RGS6: variants seen among roughly 807,000 people sequenced by gnomAD.
The protein encoded by RGS6 is regulator of G-protein signaling 6.
In RGS6, 30 loss-of-function variants were observed where a neutral mutation model predicts 78.5. The ratio of observed to expected loss-of-function variants is 0.38; its 90% CI spans 0.29 to 0.52. The LOEUF (loss-of-function observed/expected upper bound fraction) is 0.52. Among genes scored for constraint, RGS6 ranks in the 20% least tolerant of loss-of-function variants. RGS6 has a pLI of 0.85. For synonymous variants in RGS6, 206 were observed against 206.0 expected, an observed-to-expected ratio of 1.00 and a Z score of 0.00; for missense variants, 495 against 609.7, an observed-to-expected ratio of 0.81 and a Z score of 1.98.
chr14:72,455,935 G>A (rs1250771239), intron 4 of RGS6, among the ~76,000 whole-genome samples: 12 of 152,046 alleles, frequency 7.9e-5, no homozygotes, highest in South Asian at 2.1e-4. Context: ...TAAAATAATC[G>A]TTGTATTTCT....
chr14:72,274,021 G>A (rs955309546), intron 2 of RGS6, among the ~76,000 whole-genome samples: 3 of 152,168 alleles, frequency 2.0e-5, no homozygotes, highest in Non-Finnish European at 4.4e-5. Flanking sequence ...TTCCTCACTA[G>A]GAAACAGTGC....
chr14:72,005,841 T>A (rs1332873887), intron 2 of RGS6, among the ~76,000 whole-genome samples: 1 of 152,154 alleles, frequency 6.6e-6, no homozygotes, highest in African/African-American at 2.4e-5. Flanking sequence ...GCATTTGTTA[T>A]CAAGATGTAC....
intron 2 of RGS6, among the ~76,000 whole-genome samples, chr14:72,147,315 C>T (rs938049283): frequency 6.6e-6 from 1 of 152,060 alleles, no homozygotes; most frequent in South Asian, 2.1e-4. Flanking sequence ...AATTTTTTGT[C>T]TTAGTTTATT....
chr14:71,881,590 C>T, the RGS6 span, among the ~76,000 whole-genome samples: 4 of 152,214 alleles, frequency 2.6e-5, no homozygotes, highest in Non-Finnish European at 5.9e-5. Flanking sequence ...CTCATTCTGT[C>T]TCGTCTGCCA....
At chr14:72,584,642 CA>C in the RGS6 span, among the ~76,000 whole-genome samples, 69 of 152,256 alleles carry the variant, frequency 4.5e-4, no homozygotes, top group African/African-American at 1.6e-3. Flanking sequence ...GGTGATCCTA[CA>C]GAGAGTAAAG....
chr14:72,590,632 T>C, the RGS6 span, among the ~76,000 whole-genome samples: 1 of 151,920 alleles, frequency 6.6e-6, no homozygotes, highest in African/African-American at 2.4e-5. Context: ...AACTGTAGAG[T>C]TGATGGAACA....
At chr14:72,166,227 A>G (rs2096925766) in intron 2 of RGS6, among the ~76,000 whole-genome samples, 1 of 151,768 alleles carries the variant, frequency 6.6e-6, no homozygotes, top group African/African-American at 2.4e-5. Flanking sequence ...TGCCTTCAAA[A>G]TCTCCACTTT....
At chr14:71,893,450 C>A in the RGS6 span, among the ~76,000 whole-genome samples, 4 of 152,120 alleles carry the variant, frequency 2.6e-5, no homozygotes. Context: ...GGCTTGGTAG[C>A]TGAATCCTGA....
At chr14:72,571,971 A>C in the RGS6 span, among the ~76,000 whole-genome samples, 8 of 152,342 alleles carry the variant, frequency 5.3e-5, no homozygotes, top group South Asian at 1.5e-3. Flanking sequence ...CAAATAAATA[A>C]TGCAATTAAA....
At chr14:71,924,237 G>A in the RGS6 span, among the ~76,000 whole-genome samples, 1 of 152,244 alleles carries the variant, frequency 6.6e-6, no homozygotes, top group South Asian at 2.1e-4. Flanking sequence ...TAGCGATGCG[G>A]TATTGCTATG....
intron 2 of RGS6, among the ~76,000 whole-genome samples, chr14:72,226,346 A>T (rs2048118149): frequency 6.6e-6 from 1 of 152,230 alleles, no homozygotes. Flanking sequence ...AGACATTAAA[A>T]TTTTAAAATC....
At chr14:72,535,757 T>A (rs1321990596) in intron 15 of RGS6, among the ~76,000 whole-genome samples, 1 of 152,240 alleles carries the variant, frequency 6.6e-6, no homozygotes, top group Non-Finnish European at 1.5e-5. Context: ...TCTCTATAAT[T>A]TGTCATTTCA....
intron 14 of RGS6, among the ~76,000 whole-genome samples, 174 bp from the exon 15 acceptor site, chr14:72,518,177 A>G (rs1024373569): frequency 6.6e-6 from 1 of 152,228 alleles, no homozygotes; most frequent in Non-Finnish European, 1.5e-5. Flanking sequence ...CACCATAGGA[A>G]CACCTTTGAT....
chr14:72,042,086 T>C (rs1250752543), intron 2 of RGS6, among the ~76,000 whole-genome samples: 1 of 151,966 alleles, frequency 6.6e-6, no homozygotes, highest in Non-Finnish European at 1.5e-5. Context: ...GTATTAATAC[T>C]AGAGAAATTT....
intron 1 of RGS6, among the ~76,000 whole-genome samples, chr14:71,945,978 C>T (rs1479411582): frequency 6.6e-6 from 1 of 152,016 alleles, no homozygotes; most frequent in Non-Finnish European, 1.5e-5. Context: ...TATGGAAATG[C>T]TACAGTGTTT....
At chr14:72,342,749 A>G (rs950717470) in intron 2 of RGS6, among the ~76,000 whole-genome samples, 26 of 147,366 alleles carry the variant, frequency 1.8e-4, no homozygotes, top group South Asian at 2.2e-4. Context: ...AAAAAAAAAA[A>G]AGTTCCCAGA....
intron 1 of RGS6, among the ~76,000 whole-genome samples, chr14:71,948,003 C>G (rs2091784840): frequency 6.6e-6 from 1 of 152,208 alleles, no homozygotes; most frequent in Non-Finnish European, 1.5e-5. Context: ...CCCAACTGAA[C>G]TGAAGCAAAA....
the RGS6 span, among the ~76,000 whole-genome samples, chr14:71,887,114 G>A: frequency 1.4e-4 from 21 of 152,296 alleles, no homozygotes; most frequent in Admixed American, 3.3e-4. Flanking sequence ...GCAGAGGAAC[G>A]TAAATTGTGA....
chr14:71,885,972 T>A, the RGS6 span, among the ~76,000 whole-genome samples: 2 of 149,364 alleles, frequency 1.3e-5, no homozygotes, highest in Non-Finnish European at 3.0e-5. Flanking sequence ...TCTCCCTCCC[T>A]TCCCTCTCCT....
Sources: gnomAD v4.1 joint callset for allele counts (sites outside exome capture counted in the v4.1 genomes callset) on GRCh38, gnomAD v4.1.1 for gene constraint, MANE v1.5 for transcripts, NCBI Gene and HGNC (gene_info 2026-07-23, HGNC 2026-07-21) for gene names.